KLHL29: variants seen among roughly 807,000 people sequenced by gnomAD.
The protein encoded by KLHL29 is kelch-like protein 29.
Under a neutral mutation model 80.4 loss-of-function variants are expected in KLHL29, and 21 were observed. That is an observed-to-expected ratio of 0.26 (90% CI 0.19 to 0.38). The LOEUF (loss-of-function observed/expected upper bound fraction) is 0.38. Ranked by LOEUF, KLHL29 falls within the 10% of genes least tolerant of loss-of-function variation. The pLI, the probability that KLHL29 is intolerant of heterozygous loss-of-function variation, is 1.00. For synonymous variants in KLHL29, 511 were observed against 526.8 expected (o/e 0.97, Z 0.41); for missense variants, 867 against 1,223.9 (o/e 0.71, Z 4.35).
At chr2:23,398,379 G>T (rs2103386837) in intron 1 of KLHL29, among the ~76,000 whole-genome samples, 1 of 152,352 alleles carries the variant, frequency 6.6e-6, no homozygotes, top group East Asian at 1.9e-4. Flanking sequence ...CATTACTGGA[G>T]GATTCCACTT....
At chr2:23,655,690 T>C (rs1471407595) in intron 5 of KLHL29, among the ~76,000 whole-genome samples, 1 of 152,150 alleles carries the variant, frequency 6.6e-6, no homozygotes, top group Non-Finnish European at 1.5e-5. Context: ...TTAGCAGAGA[T>C]GCACAAGAAT....
At chr2:23,477,208 G>A (rs1406392966) in intron 2 of KLHL29, among the ~76,000 whole-genome samples, 3 of 152,248 alleles carry the variant, frequency 2.0e-5, no homozygotes, top group East Asian at 1.9e-4. Flanking sequence ...CCTTCTGACC[G>A]GTGGCCTCCT....
intron 3 of KLHL29, among the ~76,000 whole-genome samples, chr2:23,632,863 C>T (rs1024956653): frequency 2.0e-4 from 30 of 152,376 alleles, no homozygotes; most frequent in African/African-American, 7.0e-4. Context: ...TCACATCACC[C>T]AGCTTTCCAG....
intron 2 of KLHL29, among the ~76,000 whole-genome samples, chr2:23,506,213 A>G (rs1050804760): frequency 2.0e-5 from 3 of 152,238 alleles, no homozygotes; most frequent in East Asian, 1.9e-4. Context: ...TCATGTTGCA[A>G]CAGGCTGGAC....
chr2:23,699,761 C>T (rs545513307), intron 11 of KLHL29, among the ~76,000 whole-genome samples: 3 of 152,318 alleles, frequency 2.0e-5, no homozygotes, highest in South Asian at 2.1e-4. Context: ...CCCCACCACA[C>T]GAGAAGGGAA....
At position 23,614,555 on chromosome 2, in the gene KLHL29, T is replaced by TTTGCAAACACAA. The variant is rs1323338828; in HGVS notation, c.286-24584_286-24583insTTGCAAACACAA. ...ATAGAAGATTTGCAAACACAATTAGTAAACATGACAACGGCTTAGAGAATA... is the reference window on the plus strand; with the variant it reads ...ATAGAAGATTTGCAAACACAATTAGTTTGCAAACACAAAAACATGACAACGGCTTAGAGAATA... On this transcript the variant is annotated intron_variant, in intron 3 of 13. Transcript: ENST00000486442. Among the ~76,000 whole-genome samples the TTTGCAAACACAA allele has an allele frequency of 4.6e-5, 7 of 152,334 alleles. No individual in the cohort carries two copies. In the East Asian group the frequency reaches 1.3e-3, roughly 29 times the overall value.
chr2:23,535,874 A>C (rs1351010935), intron 2 of KLHL29, among the ~76,000 whole-genome samples: 1 of 152,210 alleles, frequency 6.6e-6, no homozygotes, highest in Non-Finnish European at 1.5e-5. Context: ...ATGCCATTGA[A>C]GTGTACACAT....
At chr2:23,539,755 C>T (rs1225772731) in intron 2 of KLHL29, among the ~76,000 whole-genome samples, 1 of 152,084 alleles carries the variant, frequency 6.6e-6, no homozygotes, top group Non-Finnish European at 1.5e-5. Context: ...ATCCTACCTC[C>T]TTCTGACTCC....
rs182523234 is a variant in KLHL29, at chr2:23,409,525, A to G, written c.-154+23745A>G. Among the ~76,000 whole-genome samples the G allele has an allele frequency of 2.6e-5, 4 of 152,310 alleles. No homozygotes were observed. In the East Asian group the frequency reaches 7.7e-4, roughly 29 times the overall value. On this transcript the variant is annotated intron_variant, in intron 1 of 13. Coordinates refer to ENST00000486442, the MANE Select transcript of KLHL29 (RefSeq NM_052920.2). ...AGTTTGGGAAGGTTGTTTTTCTCCC[A>G]CTTGAAAATCTTCCTCGGAAGGAAT...
chr2:23,385,687 G>T lies in KLHL29; in HGVS notation c.-247G>T. ...CGAGCGGCCCCAGCCACCGCTACCC[G>T]CCGGCGCTGTCCGCTCTCCATCAGC... On this transcript the variant is annotated 5_prime_UTR_variant, in exon 1 of 14. Transcript: ENST00000486442. 6.0e-6 allele frequency: 1 copy of T among 165,466 alleles called. No individual in the cohort carries two copies. 10.2% of individuals were successfully genotyped at this position (165,466 alleles called of 1,614,324 possible). A position where few individuals can be genotyped will look rare whatever the true frequency, so the allele number is the denominator to read the frequency against.
chr2:23,705,230 C>T (rs181200984), intron 13 of KLHL29, among the ~76,000 whole-genome samples: 158 of 152,324 alleles, frequency 1.0e-3, no homozygotes, highest in African/African-American at 3.5e-3. Flanking sequence ...CAGTGGCTCA[C>T]GCCTGTAATC....
rs769232022 is a variant in KLHL29 at position 23,639,243 on chromosome 2, G to C, written c.390G>C (p.Glu130Asp). Residue 130 changes from glutamate to aspartate, a missense_variant, in exon 4 of 14, where the codon GAG becomes GAC. Around this residue, in one of 2 missense-constraint regions of KLHL29, gnomAD observed 424 missense variants for 456.9 expected, o/e 0.93. Transcript: ENST00000486442. ...INQSTPWDTDEPPSKQMRESD... is the reference protein window; with the variant it reads ...INQSTPWDTDDPPSKQMRESD... ...AGTCCACACCCTGGGACACTGATGAGCCACCCTCCAAACAGATGAGAGAGA... is the reference window on the plus strand; with the variant it reads ...AGTCCACACCCTGGGACACTGATGACCCACCCTCCAAACAGATGAGAGAGA... 20 of 1,548,822 alleles carry C rather than the reference G, an allele frequency of 1.3e-5. 1 individual carries two copies. In the South Asian group the frequency reaches 2.3e-4, roughly 18 times the overall value.
At chr2:23,449,809 G>A (rs1052267297) in intron 1 of KLHL29, among the ~76,000 whole-genome samples, 20 of 152,114 alleles carry the variant, frequency 1.3e-4, no homozygotes, top group Non-Finnish European at 2.5e-4. Context: ...TCCTTGGAAA[G>A]CATAGCTTGG....
At chr2:23,423,362 C>G (rs983611803) in intron 1 of KLHL29, among the ~76,000 whole-genome samples, 1 of 152,226 alleles carries the variant, frequency 6.6e-6, no homozygotes, top group African/African-American at 2.4e-5. Flanking sequence ...AGGGTCTTCT[C>G]TCTTCACCGA....
intron 1 of KLHL29, among the ~76,000 whole-genome samples, chr2:23,470,136 C>T (rs1463995273): frequency 1.3e-5 from 2 of 152,088 alleles, no homozygotes; most frequent in Non-Finnish European, 2.9e-5. Context: ...CAACTATGAA[C>T]ACCTCATTTT....
rs540018646 is a variant in KLHL29 at position 23,460,857 on chromosome 2, C to T, written c.-153-14703C>T. On this transcript the variant is annotated intron_variant, in intron 1 of 13. Transcript: ENST00000486442. ...GCATCGTGCAAACTCAGGAGCTTCC[C>T]GTGAAGGGAGCATCGTGCAAGCTCA... 5.3e-5 allele frequency among the ~76,000 whole-genome samples: 8 copies of T among 152,172 alleles called. No individual in the cohort carries two copies. In the South Asian group the frequency reaches 8.3e-4, roughly 16 times the overall value.
chr2:23,524,364 G>C, intron 2 of KLHL29: 1 of 186,438 alleles, frequency 5.4e-6, no homozygotes, highest in Non-Finnish European at 1.1e-5. Context: ...TAGCAGGCCA[G>C]GAAATACCTT....
At chr2:23,676,491 A>AT (rs927481580) in intron 5 of KLHL29, among the ~76,000 whole-genome samples, 2 of 152,084 alleles carry the variant, frequency 1.3e-5, no homozygotes, top group African/African-American at 2.4e-5. Flanking sequence ...CGAGGATGGG[A>AT]TTTTAAGTGA....
rs117876895 is a variant in KLHL29 at position 23,457,111 on chromosome 2, C to T, written c.-153-18449C>T. Among the ~76,000 whole-genome samples, 112 of 152,334 alleles carry T rather than the reference C, an allele frequency of 7.4e-4. No homozygotes were observed. The highest frequency in any genetic ancestry group is 1.4e-3 in the Non-Finnish European group (92 of 68,040). On this transcript the variant is annotated intron_variant, in intron 1 of 13. Coordinates refer to ENST00000486442, the MANE Select transcript of KLHL29 (RefSeq NM_052920.2). This position sits in a 1 kb window ranked among gnomAD's most constrained non-coding sequence, Gnocchi z 4.3. The stretch of plus-strand genomic sequence containing the variant: ...CCTTGTGCCAGGCCCTGTGCCTTCC[C>T]GACGCCGGGGACTGGAGCTAGAGGC...
Sources: allele counts gnomAD v4.1 joint callset (sites outside exome capture counted in the v4.1 genomes callset), GRCh38; gene constraint gnomAD v4.1.1; regional missense constraint gnomAD v4.1.1; non-coding constraint Gnocchi (gnomAD v3.1); transcripts MANE v1.5; gene names NCBI Gene and HGNC (gene_info 2026-07-23, HGNC 2026-07-21).